ARL14EPL: variants seen among roughly 807,000 people sequenced by gnomAD.
ARL14EPL encodes ARL14 effector protein-like.
Under a neutral mutation model 15.9 loss-of-function variants are expected in ARL14EPL, and 17 were observed. The ratio of observed to expected loss-of-function variants is 1.07; its 90% CI spans 0.73 to 1.60. The LOEUF is 1.60. Among genes scored for constraint, ARL14EPL ranks in the 40% most tolerant of loss-of-function variants. ARL14EPL has a pLI of 0.00. For synonymous variants in ARL14EPL, 78 were observed against 63.8 expected (o/e 1.22, Z -1.06); for missense variants, 214 against 185.9 (o/e 1.15, Z -0.88).
Position 116,053,647 on chromosome 5 carries a change from G to A in ARL14EPL, c.97-367G>A, listed in dbSNP as rs143654469. The stretch of plus-strand genomic sequence containing the variant: ...ATGGGCTTCTTTAGCTAACAGCCGA[G>A]GAAGGGCCTCTACTCCTTCATCCTT... On this transcript the variant is annotated intron_variant, in intron 2 of 3. Transcript: ENST00000686077. 1.9e-4 allele frequency among the ~76,000 whole-genome samples: 29 copies of A among 152,238 alleles called. 1 individual carries two copies. In the East Asian group the frequency reaches 5.4e-3, roughly 28 times the overall value.
intron 1 of ARL14EPL, among the ~76,000 whole-genome samples, chr5:116,041,883 C>A (rs1469169649): frequency 6.6e-6 from 1 of 152,136 alleles, no homozygotes; most frequent in Admixed American, 6.5e-5. Flanking sequence ...AGCTGGAATG[C>A]ACTGACTCAA....
At chr5:116,042,329 A>T (rs545927756) in intron 1 of ARL14EPL, among the ~76,000 whole-genome samples, 13 of 152,242 alleles carry the variant, frequency 8.5e-5, no homozygotes, top group Middle Eastern at 3.4e-3. Flanking sequence ...TCATTGGCAC[A>T]TTGTCTGGCT....
intron 1 of ARL14EPL, among the ~76,000 whole-genome samples, chr5:116,039,544 A>G (rs930337981): frequency 4.5e-4 from 68 of 152,332 alleles, no homozygotes; most frequent in African/African-American, 1.6e-3. Flanking sequence ...CTGGGCAGGC[A>G]GGGAAGAACC....
intron 1 of ARL14EPL, among the ~76,000 whole-genome samples, chr5:116,040,084 G>A (rs1333853368): frequency 6.6e-6 from 1 of 152,000 alleles, no homozygotes; most frequent in Non-Finnish European, 1.5e-5. Context: ...TTAGCAACTC[G>A]AAACCTAGGA....
chr5:116,041,907 C>A (rs1749166933), intron 1 of ARL14EPL, among the ~76,000 whole-genome samples: 1 of 152,156 alleles, frequency 6.6e-6, no homozygotes, highest in African/African-American at 2.4e-5. Context: ...CGGCTCACTG[C>A]AGCCTCAACT....
At chr5:116,037,737 C>T (rs760449418) in intron 1 of ARL14EPL, among the ~76,000 whole-genome samples, 12 of 152,080 alleles carry the variant, frequency 7.9e-5, no homozygotes, top group African/African-American at 1.9e-4. Flanking sequence ...ATGCTTATTA[C>T]AGGAAATGGG....
intron 3 of ARL14EPL, among the ~76,000 whole-genome samples, chr5:116,054,703 C>T (rs181420235): frequency 3.9e-5 from 6 of 152,034 alleles, no homozygotes; most frequent in Admixed American, 6.5e-5. Context: ...TGGTGGCACG[C>T]GCCTGTAGTC....
intron 1 of ARL14EPL, among the ~76,000 whole-genome samples, chr5:116,039,380 T>G (rs1243138089): frequency 6.6e-6 from 1 of 151,910 alleles, no homozygotes; most frequent in East Asian, 1.9e-4. Context: ...AAATAGCTGG[T>G]AAGGGACACA....
At chr5:116,043,572 T>C (rs1156352937) in intron 1 of ARL14EPL, among the ~76,000 whole-genome samples, 1 of 152,186 alleles carries the variant, frequency 6.6e-6, no homozygotes, top group Non-Finnish European at 1.5e-5. Context: ...GTTTTATTAG[T>C]TAAACCATTA....
chr5:116,044,283 G>T (rs931755014), intron 1 of ARL14EPL, among the ~76,000 whole-genome samples: 1 of 152,100 alleles, frequency 6.6e-6, no homozygotes, highest in African/African-American at 2.4e-5. Context: ...GTATTAACCT[G>T]CCAGTGAAGT....
intron 1 of ARL14EPL, among the ~76,000 whole-genome samples, chr5:116,050,520 G>A (rs1749349225): frequency 6.6e-6 from 1 of 152,186 alleles, no homozygotes; most frequent in Admixed American, 6.5e-5. Context: ...GAGCAGTTTG[G>A]AGATTTCCCA....
At chr5:116,051,149 A>G in intron 1 of ARL14EPL, 1 of 228,660 alleles carries the variant, frequency 4.4e-6, no homozygotes, top group African/African-American at 2.3e-5. Flanking sequence ...GTAAAGAAGG[A>G]AGAATGGAGT....
At chr5:116,046,030 C>T (rs1180646868) in intron 1 of ARL14EPL, among the ~76,000 whole-genome samples, 5 of 152,150 alleles carry the variant, frequency 3.3e-5, no homozygotes, top group African/African-American at 4.8e-5. Flanking sequence ...CCTGCACAGG[C>T]GTCCTTTCTC....
chr5:116,052,102 A>T, intron 2 of ARL14EPL: 1 of 1,613,244 alleles, frequency 6.2e-7, no homozygotes, highest in African/African-American at 1.3e-5. Flanking sequence ...TATAGTTGGG[A>T]ACTTCCTTAC....
At chr5:116,037,313 C>T (rs747243279) in intron 1 of ARL14EPL, among the ~76,000 whole-genome samples, 9 of 152,166 alleles carry the variant, frequency 5.9e-5, no homozygotes, top group African/African-American at 1.2e-4. Context: ...GATGTGACAC[C>T]GCATTGACAC....
intron 3 of ARL14EPL, among the ~76,000 whole-genome samples, chr5:116,055,100 A>G (rs1749483557): frequency 6.6e-6 from 1 of 152,216 alleles, no homozygotes; most frequent in South Asian, 2.1e-4. Flanking sequence ...CATAGAGGAA[A>G]CAACAAATAA....
intron 1 of ARL14EPL, among the ~76,000 whole-genome samples, chr5:116,044,858 T>A (rs2112672352): frequency 6.6e-6 from 1 of 152,334 alleles, no homozygotes; most frequent in East Asian, 1.9e-4. Context: ...GAGGGTTCTA[T>A]GGTTTCTCAG....
chr5:116,043,687 T>A (rs990717127), intron 1 of ARL14EPL, among the ~76,000 whole-genome samples: 2 of 152,182 alleles, frequency 1.3e-5, no homozygotes, highest in Admixed American at 6.5e-5. Context: ...TAAAAGGAAG[T>A]AAGGTTCAGT....
chr5:116,039,738 G>A (rs887703252), intron 1 of ARL14EPL, among the ~76,000 whole-genome samples: 1 of 152,084 alleles, frequency 6.6e-6, no homozygotes, highest in Non-Finnish European at 1.5e-5. Flanking sequence ...AGAAATCTCT[G>A]AGAGAAAAGG....
Sources: gnomAD v4.1 joint callset for allele counts (sites outside exome capture counted in the v4.1 genomes callset) on GRCh38, gnomAD v4.1.1 for gene constraint, MANE v1.5 for transcripts, NCBI Gene and HGNC (gene_info 2026-07-23, HGNC 2026-07-21) for gene names.